Variants in CDK14 observed in about 807,000 individuals in gnomAD.
CDK14 encodes cyclin-dependent kinase 14.
Under a neutral mutation model 60.7 loss-of-function variants are expected in CDK14, and 34 were observed. That is an observed-to-expected ratio of 0.56 (90% CI 0.43 to 0.75). The LOEUF is 0.75. Ranked by LOEUF, CDK14 falls within the 30% of genes least tolerant of loss-of-function variation. The pLI is 0.00. For missense variants in CDK14, 482 were observed against 564.1 expected (o/e 0.85, Z 1.47); for synonymous variants, 197 against 203.7 (o/e 0.97, Z 0.28).
intron 14 of CDK14, among the ~76,000 whole-genome samples, chr7:91,136,570 T>TTA (rs919901237): frequency 6.6e-6 from 1 of 152,168 alleles, no homozygotes; most frequent in Non-Finnish European, 1.5e-5. Flanking sequence ...TTAACACATT[T>TTA]TATATATATA....
At chr7:90,884,652 G>T (rs1323813025) in intron 6 of CDK14, among the ~76,000 whole-genome samples, 1 of 152,124 alleles carries the variant, frequency 6.6e-6, no homozygotes, top group Non-Finnish European at 1.5e-5. Flanking sequence ...AAAGAACAAA[G>T]CTGGAGGCAT....
chr7:90,758,666 G>GAA (rs1804182483), intron 4 of CDK14, among the ~76,000 whole-genome samples: 1 of 152,076 alleles, frequency 6.6e-6, no homozygotes, highest in Non-Finnish European at 1.5e-5. Context: ...TTCTGCCCTC[G>GAA]GGAAACTTAA....
Position 91,077,906 on chromosome 7 carries a change from G to A in CDK14, c.1106-1526G>A, listed in dbSNP as rs866783001. On this transcript the variant is annotated intron_variant, in intron 11 of 14. Coordinates refer to ENST00000380050, the MANE Select transcript of CDK14 (RefSeq NM_001287135.2). ...GTACCAGCTATGAAAAGTGAAATTT[G>A]AAACAGTAGAAGAAATGTAAATGGC... is the stretch of plus-strand genomic sequence containing the variant. Among the ~76,000 whole-genome samples, 7 of 152,166 alleles carry A rather than the reference G, an allele frequency of 4.6e-5. No homozygotes were observed. In the South Asian group the frequency reaches 1.5e-3, roughly 32 times the overall value.
At chr7:90,744,648 C>T (rs1237868401) in intron 3 of CDK14, among the ~76,000 whole-genome samples, 1 of 147,504 alleles carries the variant, frequency 6.8e-6, no homozygotes, top group East Asian at 2.0e-4. Flanking sequence ...GGCTGACCCC[C>T]CCACCTCCCT....
chr7:90,805,199 G>T (rs752139701), intron 5 of CDK14, among the ~76,000 whole-genome samples: 42 of 152,066 alleles, frequency 2.8e-4, no homozygotes, highest in Admixed American at 2.4e-3. Context: ...TTCTTGTCAT[G>T]ATAGTAATTA....
chr7:90,755,396 A>G (rs112182190), intron 4 of CDK14, among the ~76,000 whole-genome samples: 1 of 152,182 alleles, frequency 6.6e-6, no homozygotes, highest in African/African-American at 2.4e-5. Flanking sequence ...TTTCACTTGT[A>G]AGTGGGAGCT....
intron 5 of CDK14, among the ~76,000 whole-genome samples, chr7:90,812,358 A>G (rs1448132585): frequency 6.6e-6 from 1 of 152,212 alleles, no homozygotes. Flanking sequence ...TCAGCAAACT[A>G]TCGCAAGGAC....
chr7:91,192,887 C>G (rs7795691), intron 14 of CDK14, among the ~76,000 whole-genome samples: 3 of 152,156 alleles, frequency 2.0e-5, no homozygotes, highest in African/African-American at 7.2e-5. Context: ...ACACTGCCAA[C>G]GTATGCTTCT....
chr7:91,172,806 G>A (rs1406639829), intron 14 of CDK14, among the ~76,000 whole-genome samples: 1 of 152,098 alleles, frequency 6.6e-6, no homozygotes, highest in African/African-American at 2.4e-5. Flanking sequence ...TCCAGGAAGA[G>A]GTAATTGTTC....
chr7:90,708,753 C>T (rs1584808055), intron 2 of CDK14, among the ~76,000 whole-genome samples: 1 of 152,064 alleles, frequency 6.6e-6, no homozygotes. Flanking sequence ...CAGTAGTTAC[C>T]GCCTCTTGTA....
intron 8 of CDK14, among the ~76,000 whole-genome samples, chr7:90,948,745 G>A (rs905740014): frequency 6.6e-6 from 1 of 152,210 alleles, no homozygotes; most frequent in Admixed American, 6.5e-5. Flanking sequence ...GCTGACCCCA[G>A]ATCTCAGGCC....
At chr7:91,014,112 C>T (rs961693683) in intron 10 of CDK14, among the ~76,000 whole-genome samples, 2 of 151,974 alleles carry the variant, frequency 1.3e-5, no homozygotes, top group Non-Finnish European at 2.9e-5. Context: ...CCAGAATTCA[C>T]ATTCAGTTTA....
chr7:90,800,548 T>C (rs981976732), intron 5 of CDK14, among the ~76,000 whole-genome samples: 1 of 152,236 alleles, frequency 6.6e-6, no homozygotes, highest in African/African-American at 2.4e-5. Flanking sequence ...TTTTTAATGT[T>C]ATAGCCTATC....
intron 14 of CDK14, among the ~76,000 whole-genome samples, chr7:91,161,615 C>G (rs1461220457): frequency 1.3e-5 from 2 of 152,208 alleles, no homozygotes; most frequent in East Asian, 1.9e-4. Flanking sequence ...TCATCAATCT[C>G]TTCATTATTT....
intron 14 of CDK14, among the ~76,000 whole-genome samples, chr7:91,196,818 C>T (rs1000397133): frequency 7.2e-5 from 11 of 152,204 alleles, no homozygotes; most frequent in Non-Finnish European, 1.5e-4. Context: ...CCTGGACAGT[C>T]TGGAGAGGTG....
intron 2 of CDK14, among the ~76,000 whole-genome samples, chr7:90,649,061 A>T (rs1268477324): frequency 6.6e-6 from 1 of 152,028 alleles, no homozygotes; most frequent in African/African-American, 2.4e-5. Context: ...TTGTTTTGTG[A>T]GGCTGGGGTT....
chr7:90,747,868 A>G (rs1366022726), intron 4 of CDK14, 93 bp downstream of exon 4: 3 of 452,712 alleles, frequency 6.6e-6, no homozygotes, highest in Non-Finnish European at 1.1e-5. Context: ...ATTATTTAAT[A>G]TACAATAGAT....
At chr7:90,828,483 CTCTTAAACT>C (rs1276579981) in intron 5 of CDK14, among the ~76,000 whole-genome samples, 4 of 151,990 alleles carry the variant, frequency 2.6e-5, no homozygotes, top group African/African-American at 9.7e-5. Flanking sequence ...TTCAGCTAAT[CTCTTAAACT>C]TCTCATTGAA....
intron 14 of CDK14, among the ~76,000 whole-genome samples, chr7:91,121,415 T>C (rs1799779494): frequency 6.6e-6 from 1 of 152,188 alleles, no homozygotes; most frequent in Non-Finnish European, 1.5e-5. Flanking sequence ...ATGCATTATA[T>C]TACTTCTGTC....
Sources: allele counts gnomAD v4.1 joint callset (sites outside exome capture counted in the v4.1 genomes callset), GRCh38; gene constraint gnomAD v4.1.1; transcripts MANE v1.5; gene names NCBI Gene and HGNC (gene_info 2026-07-23, HGNC 2026-07-21).